Variants in MYO18B observed in about 807,000 individuals in gnomAD.
MYO18B encodes the protein unconventional myosin-XVIIIb.
In MYO18B, 204 loss-of-function variants were observed where a neutral mutation model predicts 273.0. That is an observed-to-expected ratio of 0.75 (90% CI 0.67 to 0.84). MYO18B has a LOEUF of 0.84. Ranked by LOEUF, MYO18B falls within the 40% of genes least tolerant of loss-of-function variation. The pLI, the probability that MYO18B is intolerant of heterozygous loss-of-function variation, is 0.00. For missense variants in MYO18B, 3,212 were observed against 3,287.6 expected (o/e 0.98, Z 0.56); for synonymous variants, 1,330 against 1,305.7 (o/e 1.02, Z -0.40).
At chr22:25,988,538 G>C (rs949505182) in intron 39 of MYO18B, among the ~76,000 whole-genome samples, 4 of 152,076 alleles carry the variant, frequency 2.6e-5, no homozygotes, top group Non-Finnish European at 4.4e-5. Context: ...TTCTTGCTGT[G>C]TCTAAGCCAA....
At chr22:25,743,156 TG>T (rs994942332) in intron 1 of MYO18B, among the ~76,000 whole-genome samples, 1 of 152,168 alleles carries the variant, frequency 6.6e-6, no homozygotes, top group Non-Finnish European at 1.5e-5. Context: ...CCCGCAAGTG[TG>T]GGGATCTGGG....
At chr22:25,769,884 C>A in intron 4 of MYO18B, 1 of 525,168 alleles carries the variant, frequency 1.9e-6, no homozygotes, top group Admixed American at 3.2e-5. Flanking sequence ...GAGACGGAGT[C>A]TTGCTCTGTC....
chr22:25,783,159 C>G (rs1399300888), intron 10 of MYO18B, among the ~76,000 whole-genome samples: 6 of 152,212 alleles, frequency 3.9e-5, no homozygotes, highest in Admixed American at 2.0e-4. Context: ...AGGATTTGAT[C>G]TGCCTTGATA....
the MYO18B span, among the ~76,000 whole-genome samples, chr22:26,046,892 A>G: frequency 6.6e-6 from 1 of 152,222 alleles, no homozygotes; most frequent in Middle Eastern, 3.4e-3. Context: ...CCTTACGCGC[A>G]TGGCTGGTAG....
intron 22 of MYO18B, 37 bp from the exon 23 acceptor site, chr22:25,874,249 C>G: frequency 6.2e-7 from 1 of 1,611,676 alleles, no homozygotes; most frequent in Admixed American, 1.7e-5. Flanking sequence ...CAGCCTTCTT[C>G]AGCAGAGGAC....
chr22:25,855,437 C>G (rs1413347382), intron 21 of MYO18B, among the ~76,000 whole-genome samples: 1 of 152,070 alleles, frequency 6.6e-6, no homozygotes, highest in Non-Finnish European at 1.5e-5. Flanking sequence ...GCGCCCGCCA[C>G]CACGCCTGGC....
Position 25,948,979 on chromosome 22 carries a change from G to C in MYO18B, c.5748+1151G>C, listed in dbSNP as rs185516300. ...GCAGAGGAAATAGCACATACAAAGG[G>C]CCTGTGATGGTGCATTGGAGAGACT... On this transcript the variant is annotated intron_variant, in intron 36 of 43. Coordinates refer to ENST00000335473, the MANE Select transcript of MYO18B (RefSeq NM_032608.7). Among the ~76,000 whole-genome samples, 211 of 152,176 alleles carry C rather than the reference G, an allele frequency of 1.4e-3. 3 individuals carry two copies. The South Asian group carries it at 0.031, about 22-fold the overall frequency.
At chr22:25,758,263 C>T (rs946962337) in intron 1 of MYO18B, among the ~76,000 whole-genome samples, 3 of 151,750 alleles carry the variant, frequency 2.0e-5, no homozygotes, top group Non-Finnish European at 2.9e-5. Context: ...CCACGCACCT[C>T]GGCCTCCCAA....
intron 43 of MYO18B, among the ~76,000 whole-genome samples, chr22:26,029,370 C>G (rs2147036668): frequency 6.6e-6 from 1 of 152,308 alleles, no homozygotes; most frequent in African/African-American, 2.4e-5. Context: ...GCCATTGCCC[C>G]TTCCGTGGAG....
At chr22:25,744,889 G>C (rs2085731929) in intron 1 of MYO18B, among the ~76,000 whole-genome samples, 1 of 152,138 alleles carries the variant, frequency 6.6e-6, no homozygotes, top group Non-Finnish European at 1.5e-5. Context: ...GGCACAGAGA[G>C]GGAAAGCCAC....
chr22:25,835,454 A>G lies in MYO18B; in HGVS notation c.3208+11A>G, dbSNP rs912392751. 2 of 1,613,522 alleles carry G rather than the reference A, an allele frequency of 1.2e-6. No homozygotes were observed. The highest frequency in any genetic ancestry group is 1.7e-6 in the Non-Finnish European group (2 of 1,179,838). On this transcript the variant is annotated intron_variant, in intron 17 of 43. Coordinates refer to ENST00000335473, the MANE Select transcript of MYO18B (RefSeq NM_032608.7). ...GAGCTGGGACTGAAGGTAAGGAAGC[A>G]GGGGGCTGGGGATGGGGCCTGAGTC...
At chr22:25,771,419 T>C (rs1332939987) in intron 6 of MYO18B, among the ~76,000 whole-genome samples, 1 of 152,256 alleles carries the variant, frequency 6.6e-6, no homozygotes, top group Admixed American at 6.5e-5. Flanking sequence ...TCTAATGGCC[T>C]ATATTTTGGC....
intron 11 of MYO18B, among the ~76,000 whole-genome samples, chr22:25,785,895 T>G (rs1601688558): frequency 6.6e-6 from 1 of 152,146 alleles, no homozygotes; most frequent in East Asian, 1.9e-4. Flanking sequence ...GTGTATAACG[T>G]GCTTAGAACA....
At chr22:25,828,111 G>A (rs1367769603) in intron 14 of MYO18B, among the ~76,000 whole-genome samples, 1 of 152,170 alleles carries the variant, frequency 6.6e-6, no homozygotes, top group Non-Finnish European at 1.5e-5. Flanking sequence ...GGCAAACTTT[G>A]CTTTCACAGC....
rs34883672 is a variant in MYO18B, at chr22:25,844,364, C to CTGTG, written c.3368+483_3368+486dup. Among the ~76,000 whole-genome samples, 549 of 151,220 alleles carry CTGTG rather than the reference C, an allele frequency of 3.6e-3. 2 individuals carry two copies. The highest frequency in any genetic ancestry group is 0.012 in the African/African-American group (490 of 41,306). ...TAGTTCAGAGGCTTATTGGAAAATG[C>CTGTG]TGTGTGTGTGTGTGTGCATGCACAC... On this transcript the variant is annotated intron_variant, in intron 18 of 43. Coordinates refer to ENST00000335473, the MANE Select transcript of MYO18B (RefSeq NM_032608.7).
chr22:25,986,264 G>A (rs1296316442), intron 39 of MYO18B, among the ~76,000 whole-genome samples: 5 of 152,224 alleles, frequency 3.3e-5, no homozygotes, highest in African/African-American at 1.2e-4. Context: ...TCTCAGCATG[G>A]AGCAGGTGGA....
At chr22:25,759,033 C>T (rs1430622622) in intron 1 of MYO18B, among the ~76,000 whole-genome samples, 1 of 151,916 alleles carries the variant, frequency 6.6e-6, no homozygotes, top group Non-Finnish European at 1.5e-5. Flanking sequence ...GGATTACAGG[C>T]GTGAGCCACC....
At chr22:26,052,803 T>C in the MYO18B span, among the ~76,000 whole-genome samples, 1 of 149,198 alleles carries the variant, frequency 6.7e-6, no homozygotes, top group African/African-American at 2.5e-5. Context: ...TGGTTTTTTT[T>C]TTTGGTTTTT....
intron 42 of MYO18B, among the ~76,000 whole-genome samples, chr22:26,018,880 T>G (rs1400700568): frequency 6.6e-6 from 1 of 152,078 alleles, no homozygotes; most frequent in African/African-American, 2.4e-5. Flanking sequence ...TGCTTGAACC[T>G]GGGAGGTAGA....
Sources: allele counts gnomAD v4.1 joint callset (sites outside exome capture counted in the v4.1 genomes callset), GRCh38; gene constraint gnomAD v4.1.1; transcripts MANE v1.5; gene names NCBI Gene and HGNC (gene_info 2026-07-23, HGNC 2026-07-21).